The following OVCH1 variants were observed in gnomAD, a reference collection of about 807,000 sequenced individuals.
The protein encoded by OVCH1 is ovochymase 1, also known as ovochymase-1.
Under a neutral mutation model 138.4 loss-of-function variants are expected in OVCH1, and 139 were observed. The observed-to-expected ratio is 1.00, with a 90% CI of 0.87 to 1.16. OVCH1 has a LOEUF of 1.16. Ranked by LOEUF, OVCH1 falls within the 50% of genes most tolerant of loss-of-function variation. OVCH1 has a pLI of 0.00. For synonymous variants in OVCH1, 453 were observed against 467.8 expected, an observed-to-expected ratio of 0.97 and a Z score of 0.41; for missense variants, 1,367 against 1,357.9, an observed-to-expected ratio of 1.01 and a Z score of -0.11.
intron 15 of OVCH1, among the ~76,000 whole-genome samples, chr12:29,472,467 G>C (rs916349596): frequency 6.6e-6 from 1 of 152,148 alleles, no homozygotes; most frequent in East Asian, 1.9e-4. Flanking sequence ...TCTAAATGCT[G>C]TTCTCTTATC....
intron 25 of OVCH1, among the ~76,000 whole-genome samples, chr12:29,440,964 C>A (rs75680052): frequency 1.2e-3 from 179 of 152,286 alleles, no homozygotes; most frequent in African/African-American, 3.8e-3. Flanking sequence ...CTTCATTACG[C>A]ATTGGTATCC....
intron 4 of OVCH1, 143 bp downstream of exon 4, chr12:29,495,142 A>T (rs1943379120): frequency 3.7e-6 from 3 of 811,418 alleles, no homozygotes; most frequent in Non-Finnish European, 5.7e-6. Flanking sequence ...TCAATAGGTT[A>T]TAGACCGAAC....
At chr12:29,438,000 T>C (rs1941396082) in intron 26 of OVCH1, among the ~76,000 whole-genome samples, 1 of 152,208 alleles carries the variant, frequency 6.6e-6, no homozygotes. Context: ...TTTCTCAGCA[T>C]AGTTGAAAAT....
At chr12:29,428,872 C>CT (rs1015421091) in intron 27 of OVCH1, among the ~76,000 whole-genome samples, 1 of 152,208 alleles carries the variant, frequency 6.6e-6, no homozygotes, top group African/African-American at 2.4e-5. Context: ...AAGTTTCCCT[C>CT]TATGAGTCAG....
At chr12:29,442,469 T>C (rs1253975327) in intron 25 of OVCH1, among the ~76,000 whole-genome samples, 1 of 101,090 alleles carries the variant, frequency 9.9e-6, no homozygotes, top group East Asian at 3.5e-4. Context: ...CTGTGGACTG[T>C]TGTGGGGTGG....
intron 26 of OVCH1, among the ~76,000 whole-genome samples, chr12:29,439,163 A>G (rs1941420892): frequency 6.7e-6 from 1 of 149,748 alleles, no homozygotes; most frequent in Non-Finnish European, 1.5e-5. Flanking sequence ...AACTGTCCCC[A>G]ATATATTCAC....
At chr12:29,464,431 G>A (rs779130764) in intron 18 of OVCH1, 76 bp downstream of exon 18, 11 of 1,450,552 alleles carry the variant, frequency 7.6e-6, no homozygotes, top group Non-Finnish European at 1.0e-5. Flanking sequence ...AGCGGATGCT[G>A]CTTGATATCA....
intron 3 of OVCH1, among the ~76,000 whole-genome samples, chr12:29,417,885 T>A (rs1363163011): frequency 3.3e-5 from 5 of 152,092 alleles, no homozygotes; most frequent in Non-Finnish European, 7.4e-5. Context: ...CTGACTTGGT[T>A]ATAAAAGAAC....
At chr12:29,474,369 T>A (rs1405230550) in intron 14 of OVCH1, among the ~76,000 whole-genome samples, 3 of 152,138 alleles carry the variant, frequency 2.0e-5, no homozygotes, top group Non-Finnish European at 4.4e-5. Flanking sequence ...AAAGCCTCAC[T>A]TCCCTCACTG....
intron 12 of OVCH1, among the ~76,000 whole-genome samples, chr12:29,476,751 G>GCGCA (rs1463374239): frequency 6.5e-4 from 6 of 9,264 alleles, no homozygotes; most frequent in Admixed American, 2.1e-3. Flanking sequence ...AAGTACACAC[G>GCGCA]CGCGCACACA....
At chr12:29,494,349 A>T (rs952185383) in intron 4 of OVCH1, among the ~76,000 whole-genome samples, 6 of 151,866 alleles carry the variant, frequency 4.0e-5, no homozygotes, top group Non-Finnish European at 7.4e-5. Flanking sequence ...TCTTGCATTT[A>T]AAAAAAAGGG....
intron 27 of OVCH1, among the ~76,000 whole-genome samples, chr12:29,433,120 CTCT>C (rs1003658194): frequency 1.5e-4 from 23 of 152,248 alleles, no homozygotes; most frequent in African/African-American, 5.5e-4. Flanking sequence ...AACAAGCTTC[CTCT>C]GTTATATATT....
rs114351526 is a variant in OVCH1, at chr12:29,463,205, A to G, written c.2126-1197T>C. Among the ~76,000 whole-genome samples the G allele has an allele frequency of 9.0e-3, 1,377 of 152,294 alleles. 17 individuals are homozygous for G. Among genetic ancestry groups the G allele is most frequent in the African/African-American group, 0.031 (1,307 of 41,556 alleles). On this transcript the variant is annotated intron_variant, in intron 18 of 27. Coordinates refer to ENST00000318184, the Ensembl canonical transcript of OVCH1. ...TAGATGTAGAAGATGACTGCATAAA[A>G]TCATGCCAACTACATTAACATGCAG...
intron 21 of OVCH1, among the ~76,000 whole-genome samples, chr12:29,451,816 T>C (rs1360186404): frequency 2.0e-5 from 3 of 152,204 alleles, no homozygotes; most frequent in African/African-American, 7.2e-5. Context: ...TTTTAAAGTT[T>C]CTTAGAAAAT....
Position 29,439,436 on chromosome 12 carries a change from T to A in OVCH1, c.3158-2A>T. 2.0e-6 allele frequency: 3 copies of A among 1,506,078 alleles called. No individual in the cohort carries two copies. Among genetic ancestry groups the A allele is most frequent in the Non-Finnish European group, 1.8e-6 (2 of 1,134,204 alleles). 93.3% of individuals were successfully genotyped at this position (1,506,078 alleles called of 1,614,324 possible). On this transcript the variant is annotated splice_acceptor_variant, in intron 25 of 27. Transcript: ENST00000318184. LOFTEE classifies it high-confidence loss of function. ...TTGCCAGAGTTCCAGCGAATGAAGC[T>A]AAGATGGTCTGAGAAAAACAAACAA...
At chr12:29,489,597 T>C in intron 6 of OVCH1, 23 bp downstream of exon 6, 1 of 1,588,500 alleles carries the variant, frequency 6.3e-7, no homozygotes, top group Non-Finnish European at 8.6e-7. Context: ...ACTGAACAGC[T>C]AGGCTGGTTT....
exon 24 of OVCH1, chr12:29,444,258 G>T: frequency 6.2e-7 from 1 of 1,612,018 alleles, no homozygotes; most frequent in Non-Finnish European, 8.5e-7. Context: ...GGGAAAGTCT[G>T]GTTATTTTAC....
intron 7 of OVCH1, among the ~76,000 whole-genome samples, chr12:29,486,558 G>C (rs979389041): frequency 9.9e-5 from 15 of 152,142 alleles, no homozygotes; most frequent in Non-Finnish European, 1.9e-4. Context: ...TGATTTGCTG[G>C]TTAGTGTGGT....
At position 29,477,057 on chromosome 12, in the gene OVCH1, G is replaced by A. The variant is rs376924665; in HGVS notation, c.1377+45C>T. 254 of 1,504,266 alleles carry A rather than the reference G, an allele frequency of 1.7e-4. 3 individuals carry two copies. The South Asian group carries it at 2.9e-3, about 17-fold the overall frequency. 93.2% of individuals were successfully genotyped at this position (1,504,266 alleles called of 1,614,324 possible). The stretch of plus-strand genomic sequence containing the variant: ...ATGAATTAAGTTCTGCCTAACTAAC[G>A]TAACTCTATTCTTTATGAGGTAGAG... On this transcript the variant is annotated intron_variant, in intron 12 of 27. Transcript: ENST00000318184.
Sources: gnomAD v4.1 joint callset for allele counts (sites outside exome capture counted in the v4.1 genomes callset) on GRCh38, gnomAD v4.1.1 for gene constraint, MANE v1.5 for transcripts, NCBI Gene and HGNC (gene_info 2026-07-23, HGNC 2026-07-21) for gene names.